HS6ST3: variants seen among roughly 807,000 people sequenced by gnomAD.
The protein encoded by HS6ST3 is heparan sulfate 6-O-sulfotransferase 3, also known as heparan-sulfate 6-O-sulfotransferase 3.
In HS6ST3, 12 loss-of-function variants were observed where a neutral mutation model predicts 36.7. That is an observed-to-expected ratio of 0.33 (90% confidence interval 0.21 to 0.53). The LOEUF (loss-of-function observed/expected upper bound fraction) is 0.53, where lower values mean the gene tolerates loss of function less well. Among genes scored for constraint, HS6ST3 ranks in the 20% least tolerant of loss-of-function variants. HS6ST3 has a pLI of 0.95. For synonymous variants in HS6ST3, 240 were observed against 257.5 expected, an observed-to-expected ratio of 0.93 and a Z score of 0.65; for missense variants, 584 against 640.9, an observed-to-expected ratio of 0.91 and a Z score of 0.96.
At chr13:96,430,158 T>C (rs2055607741) in intron 1 of HS6ST3, among the ~76,000 whole-genome samples, 1 of 152,206 alleles carries the variant, frequency 6.6e-6, no homozygotes, top group Non-Finnish European at 1.5e-5. Context: ...TACCCTTTTT[T>C]AGTTTGAGGA....
chr13:96,408,503 C>T (rs7982370), intron 1 of HS6ST3, among the ~76,000 whole-genome samples: 73,230 of 151,900 alleles, frequency 0.48, 18,037 homozygotes, highest in Middle Eastern at 0.59. Context: ...TATTTGTTGT[C>T]GAATAGGCAG....
chr13:96,655,849 A>G (rs1474703233), intron 1 of HS6ST3, among the ~76,000 whole-genome samples: 2 of 152,120 alleles, frequency 1.3e-5, no homozygotes, highest in Non-Finnish European at 2.9e-5. Flanking sequence ...TTACTTGTCA[A>G]TCTTCTATCA....
intron 1 of HS6ST3, among the ~76,000 whole-genome samples, chr13:96,243,495 T>G (rs1201393643): frequency 6.6e-6 from 1 of 152,218 alleles, no homozygotes; most frequent in African/African-American, 2.4e-5. Flanking sequence ...AATGCTAGTC[T>G]GCTGACTAGT....
chr13:96,568,331 A>G (rs1429698647), intron 1 of HS6ST3, among the ~76,000 whole-genome samples: 2 of 152,158 alleles, frequency 1.3e-5, no homozygotes, highest in Non-Finnish European at 1.5e-5. Context: ...CAATGGCACG[A>G]TCTCAGCTCA....
intron 1 of HS6ST3, among the ~76,000 whole-genome samples, chr13:96,350,889 G>C (rs1054386365): frequency 6.6e-6 from 1 of 152,106 alleles, no homozygotes; most frequent in Non-Finnish European, 1.5e-5. Context: ...ATTGCTTCCT[G>C]TCCATCCAAT....
At chr13:96,318,900 C>T (rs898267020) in intron 1 of HS6ST3, among the ~76,000 whole-genome samples, 3 of 152,106 alleles carry the variant, frequency 2.0e-5, no homozygotes, top group African/African-American at 4.8e-5. Flanking sequence ...TTTTGACGTA[C>T]AGATATTCAC....
intron 1 of HS6ST3, among the ~76,000 whole-genome samples, chr13:96,468,505 C>G (rs565726331): frequency 3.3e-5 from 5 of 151,774 alleles, no homozygotes; most frequent in Admixed American, 2.6e-4. Context: ...CACACACACA[C>G]ACACACACAC....
chr13:96,566,965 G>A (rs542180899), intron 1 of HS6ST3, among the ~76,000 whole-genome samples: 3 of 152,062 alleles, frequency 2.0e-5, no homozygotes, highest in East Asian at 1.9e-4. Context: ...TCATCAAAGC[G>A]TTCTCTAATT....
chr13:96,419,280 C>A (rs1281776024), intron 1 of HS6ST3, among the ~76,000 whole-genome samples: 3 of 152,190 alleles, frequency 2.0e-5, no homozygotes, highest in Non-Finnish European at 4.4e-5. Flanking sequence ...TCCTTCAAGA[C>A]TCTGCCACAG....
intron 1 of HS6ST3, among the ~76,000 whole-genome samples, chr13:96,301,906 TAATA>T (rs1391021161): frequency 1.4e-5 from 2 of 139,180 alleles, no homozygotes; most frequent in African/African-American, 5.6e-5. Context: ...TCTATAATAA[TAATA>T]ATAATAATAA....
chr13:96,525,517 T>G (rs924823070), intron 1 of HS6ST3, among the ~76,000 whole-genome samples: 1 of 152,178 alleles, frequency 6.6e-6, no homozygotes, highest in African/African-American at 2.4e-5. Flanking sequence ...CAGCAGGAAC[T>G]GTGGACGTTT....
chr13:96,685,336 G>A (rs916160632), intron 1 of HS6ST3, among the ~76,000 whole-genome samples: 1 of 151,978 alleles, frequency 6.6e-6, no homozygotes, highest in Non-Finnish European at 1.5e-5. Flanking sequence ...ACAGAAATAC[G>A]ACTACTGGAT....
At chr13:96,405,354 G>A (rs186086277) in intron 1 of HS6ST3, among the ~76,000 whole-genome samples, 213 of 152,244 alleles carry the variant, frequency 1.4e-3, no homozygotes, top group Admixed American at 4.4e-3. Flanking sequence ...TAATTTTGTG[G>A]CAGGTTGAAC....
At chr13:96,524,312 G>A (rs894635989) in intron 1 of HS6ST3, among the ~76,000 whole-genome samples, 2 of 152,184 alleles carry the variant, frequency 1.3e-5, no homozygotes, top group Non-Finnish European at 2.9e-5. Flanking sequence ...GCTACACAGG[G>A]GTCAGGGACC....
chr13:96,622,240 A>C (rs1194559354), intron 1 of HS6ST3, among the ~76,000 whole-genome samples: 2 of 152,028 alleles, frequency 1.3e-5, no homozygotes, highest in African/African-American at 2.4e-5. Flanking sequence ...AGTTTTTGAT[A>C]GGTTATGATT....
intron 1 of HS6ST3, among the ~76,000 whole-genome samples, chr13:96,671,206 GTCATCAGAGCTTT>G (rs2056681539): frequency 6.6e-6 from 1 of 152,110 alleles, no homozygotes; most frequent in Admixed American, 6.6e-5. Flanking sequence ...TGCTCCAAGT[GTCATCAGAGCTTT>G]GTGTACAGGC....
At chr13:96,765,496 AT>A (rs1180175304) in intron 1 of HS6ST3, among the ~76,000 whole-genome samples, 1 of 151,242 alleles carries the variant, frequency 6.6e-6, no homozygotes, top group Non-Finnish European at 1.5e-5. Context: ...CCATTTTGTG[AT>A]TTTTCCAGGG....
chr13:96,665,137 C>T (rs947107228), intron 1 of HS6ST3, among the ~76,000 whole-genome samples: 1 of 152,142 alleles, frequency 6.6e-6, no homozygotes. Context: ...ATGCCACTCA[C>T]TCCAGCCTGG....
At chr13:96,643,407 T>C (rs2056577357) in intron 1 of HS6ST3, among the ~76,000 whole-genome samples, 3 of 151,960 alleles carry the variant, frequency 2.0e-5, no homozygotes, top group Admixed American at 2.0e-4. Context: ...GCACAAGGGC[T>C]TCCAGATTCT....
Sources: allele counts gnomAD v4.1 joint callset (sites outside exome capture counted in the v4.1 genomes callset), GRCh38; gene constraint gnomAD v4.1.1; transcripts MANE v1.5; gene names NCBI Gene and HGNC (gene_info 2026-07-23, HGNC 2026-07-21).